Variants in AP1G1 observed in about 807,000 individuals in gnomAD.
The protein encoded by AP1G1 is AP-1 complex subunit gamma-1.
Under a neutral mutation model 108.3 loss-of-function variants are expected in AP1G1, and 7 were observed. That is an observed-to-expected ratio of 0.06 (90% CI 0.04 to 0.12). The LOEUF is 0.12. Among genes scored for constraint, AP1G1 ranks in the 10% least tolerant of loss-of-function variants. The pLI, the probability that AP1G1 is intolerant of heterozygous loss-of-function variation, is 1.00. For missense variants in AP1G1, 756 were observed against 1,010.7 expected, an observed-to-expected ratio of 0.75 and a Z score of 3.42; for synonymous variants, 379 against 353.5, an observed-to-expected ratio of 1.07 and a Z score of -0.81.
chr16:71,798,212 A>G (rs548219050), intron 1 of AP1G1, among the ~76,000 whole-genome samples: 1 of 151,458 alleles, frequency 6.6e-6, no homozygotes, highest in Non-Finnish European at 1.5e-5. Flanking sequence ...TTAGAGGCCA[A>G]GGTGGGAGGA....
chr16:71,789,571 T>C (rs1197511559), intron 1 of AP1G1, 89 bp from the exon 2 acceptor site: 13 of 1,335,636 alleles, frequency 9.7e-6, no homozygotes, highest in Non-Finnish European at 1.4e-5. Context: ...TTTTGACTAG[T>C]TTTTAAGAAT....
intron 1 of AP1G1, chr16:71,806,639 A>G: frequency 1.7e-6 from 2 of 1,203,504 alleles, no homozygotes; most frequent in Non-Finnish European, 2.2e-6. Flanking sequence ...TGAAAAGTCT[A>G]AGTCAGAAAT....
intron 17 of AP1G1, 56 bp downstream of exon 17, chr16:71,746,532 G>T: frequency 9.1e-7 from 1 of 1,093,418 alleles, no homozygotes; most frequent in South Asian, 1.5e-5. Context: ...GGATTACCAT[G>T]ACAATTTAGT....
chr16:71,759,734 T>C (rs1438206897), intron 10 of AP1G1, among the ~76,000 whole-genome samples: 1 of 151,376 alleles, frequency 6.6e-6, no homozygotes, highest in Non-Finnish European at 1.5e-5. Context: ...CACTCCAGCC[T>C]AGGCGACAGA....
chr16:71,793,532 A>G (rs1454914787), intron 1 of AP1G1, among the ~76,000 whole-genome samples: 1 of 152,188 alleles, frequency 6.6e-6, no homozygotes, highest in Non-Finnish European at 1.5e-5. Context: ...AACAAAAACA[A>G]ACAAATAAAT....
intron 6 of AP1G1, among the ~76,000 whole-genome samples, chr16:71,768,908 A>G (rs747695423): frequency 9.7e-5 from 11 of 112,874 alleles, no homozygotes; most frequent in Admixed American, 3.0e-4. Context: ...ACAGAGCAAG[A>G]CTCTGTCTCA....
chr16:71,779,761 G>A (rs2031933498), intron 2 of AP1G1, among the ~76,000 whole-genome samples: 1 of 152,070 alleles, frequency 6.6e-6, no homozygotes, highest in African/African-American at 2.4e-5. Flanking sequence ...ATTTATCAGT[G>A]TTTAATCCGG....
intron 12 of AP1G1, among the ~76,000 whole-genome samples, chr16:71,754,665 A>G (rs1047908918): frequency 1.6e-4 from 24 of 152,122 alleles, no homozygotes; most frequent in African/African-American, 5.1e-4. Context: ...GTGGCACATG[A>G]TGATTTGCAG....
chr16:71,769,182 C>T (rs2031468681), intron 6 of AP1G1, among the ~76,000 whole-genome samples: 1 of 151,362 alleles, frequency 6.6e-6, no homozygotes, highest in Admixed American at 6.6e-5. Flanking sequence ...ACAAGGAAGG[C>T]TGAGGCAGGA....
intron 6 of AP1G1, among the ~76,000 whole-genome samples, chr16:71,768,965 T>TAAAAAAA (rs11374038): frequency 7.0e-5 from 5 of 71,754 alleles, no homozygotes; most frequent in African/African-American, 1.1e-4. Flanking sequence ...TTCCTGCCTT[T>TAAAAAAA]AAAAAAAAAA....
chr16:71,774,114 A>C (rs1039084912), intron 3 of AP1G1, among the ~76,000 whole-genome samples: 1 of 149,074 alleles, frequency 6.7e-6, no homozygotes, highest in African/African-American at 2.5e-5. Flanking sequence ...ACAGTGGCTC[A>C]AGCCTGTAAC....
At chr16:71,797,692 A>G (rs2032635993) in intron 1 of AP1G1, among the ~76,000 whole-genome samples, 1 of 152,070 alleles carries the variant, frequency 6.6e-6, no homozygotes, top group African/African-American at 2.4e-5. Flanking sequence ...CCAGCTACTC[A>G]GGAGGCTGAG....
intron 1 of AP1G1, among the ~76,000 whole-genome samples, chr16:71,807,538 A>G (rs1266784642): frequency 6.6e-6 from 1 of 152,254 alleles, no homozygotes; most frequent in Admixed American, 6.5e-5. Flanking sequence ...TAGAGGGTTC[A>G]TATTTTTCAA....
chr16:71,776,378 G>C (rs1287451819), intron 2 of AP1G1, among the ~76,000 whole-genome samples: 1 of 152,194 alleles, frequency 6.6e-6, no homozygotes, highest in Non-Finnish European at 1.5e-5. Flanking sequence ...AAAAGATTAT[G>C]TAAGTAACAA....
Position 71,762,949 on chromosome 16 carries a change from T to A in AP1G1, c.919-1382A>T, listed in dbSNP as rs376978720. ...GTCTTCTGGGACTGAGCCCTCAAACTGTGGGATGTGACACCTTATCTCCAG... is the reference window on the plus strand; with the variant it reads ...GTCTTCTGGGACTGAGCCCTCAAACAGTGGGATGTGACACCTTATCTCCAG... On this transcript the variant is annotated intron_variant, in intron 9 of 22. Coordinates refer to ENST00000299980, the MANE Select transcript of AP1G1 (RefSeq NM_001128.6). Among the ~76,000 whole-genome samples the A allele has an allele frequency of 2.0e-5, 3 of 152,162 alleles. No individual in the cohort carries two copies. In the East Asian group the frequency reaches 5.8e-4, roughly 29 times the overall value.
intron 1 of AP1G1, among the ~76,000 whole-genome samples, chr16:71,807,330 G>A (rs1259737507): frequency 6.6e-6 from 1 of 152,244 alleles, no homozygotes; most frequent in African/African-American, 2.4e-5. Context: ...TACTTGGGAG[G>A]CTGAGGCAGG....
chr16:71,795,734 A>G (rs373229476), intron 1 of AP1G1, among the ~76,000 whole-genome samples: 2 of 152,178 alleles, frequency 1.3e-5, no homozygotes, highest in African/African-American at 4.8e-5. Flanking sequence ...TTTACAATAC[A>G]TCTTATTCTG....
intron 11 of AP1G1, among the ~76,000 whole-genome samples, chr16:71,757,768 CT>C (rs1303889490): frequency 2.0e-5 from 3 of 152,086 alleles, no homozygotes; most frequent in Non-Finnish European, 4.4e-5. Flanking sequence ...ACAAGTTTCA[CT>C]TTTTTTGAAA....
intron 15 of AP1G1, among the ~76,000 whole-genome samples, chr16:71,748,787 A>AC (rs756980165): frequency 2.0e-5 from 3 of 152,238 alleles, no homozygotes; most frequent in Non-Finnish European, 4.4e-5. Context: ...CTTCTTGTTT[A>AC]CCAGCCAGAG....
Sources: allele counts gnomAD v4.1 joint callset (sites outside exome capture counted in the v4.1 genomes callset), GRCh38; gene constraint gnomAD v4.1.1; transcripts MANE v1.5; gene names NCBI Gene and HGNC (gene_info 2026-07-23, HGNC 2026-07-21).